The following JADE1 variants were observed in gnomAD, a reference collection of about 807,000 sequenced individuals.
JADE1 encodes the protein jade family PHD finger 1.
In JADE1, 14 loss-of-function variants were observed where a neutral mutation model predicts 81.8. The observed-to-expected ratio is 0.17, with a 90% CI of 0.11 to 0.27. The LOEUF is 0.27. JADE1 is among the 10% of genes least tolerant of loss of function. The probability of loss-of-function intolerance (pLI) is 1.00; values close to 1 mark genes in which losing one functional copy is unlikely to be tolerated. For missense variants in JADE1, 690 were observed against 1,047.9 expected (o/e 0.66, Z 4.71); for synonymous variants, 353 against 391.9 (o/e 0.90, Z 1.17).
chr4:128,872,517 A>C lies in JADE1; in HGVS notation c.*255A>C. ...CTGCTAAGACTAGAACCCGAACTGA[A>C]CACTAAAATAAAAATGAAATGTTTT... On this transcript the variant is annotated 3_prime_UTR_variant, in exon 11 of 11. Coordinates refer to ENST00000226319, the MANE Select transcript of JADE1 (RefSeq NM_199320.4). 1 of 419,502 alleles carries C rather than the reference A, an allele frequency of 2.4e-6. No individual in the cohort carries two copies. The highest frequency in any genetic ancestry group is 4.3e-6 in the Non-Finnish European group (1 of 234,202). 26.0% of individuals were successfully genotyped at this position (419,502 alleles called of 1,614,324 possible).
chr4:128,863,418 A>G (rs1343117571), intron 9 of JADE1: 1 of 985,464 alleles, frequency 1.0e-6, no homozygotes, highest in African/African-American at 1.7e-5. Context: ...AGTGTAGGGA[A>G]AGACCTGGGA....
chr4:128,825,266 C>G (rs1014872019), intron 1 of JADE1, among the ~76,000 whole-genome samples: 2 of 152,214 alleles, frequency 1.3e-5, no homozygotes, highest in Admixed American at 6.5e-5. Flanking sequence ...TCTTAAACTC[C>G]TGGCCTCAAG....
chr4:128,820,946 A>T (rs1297765587), intron 1 of JADE1, among the ~76,000 whole-genome samples: 2 of 152,160 alleles, frequency 1.3e-5, no homozygotes, highest in Non-Finnish European at 2.9e-5. Flanking sequence ...TTTAGCATTT[A>T]TTGGCTTACT....
At chr4:128,818,246 G>C (rs188996545) in intron 1 of JADE1, among the ~76,000 whole-genome samples, 1 of 151,712 alleles carries the variant, frequency 6.6e-6, no homozygotes, top group Non-Finnish European at 1.5e-5. Context: ...TCAGCCTCCC[G>C]AGTAGCTGGG....
chr4:128,813,480 A>G (rs1378532682), intron 1 of JADE1, among the ~76,000 whole-genome samples: 1 of 139,330 alleles, frequency 7.2e-6, no homozygotes, highest in Non-Finnish European at 1.5e-5. Flanking sequence ...GTGCAGTGGC[A>G]TGATCTTAGC....
chr4:128,857,728 T>C (rs1730915003), intron 8 of JADE1, among the ~76,000 whole-genome samples: 2 of 152,204 alleles, frequency 1.3e-5, no homozygotes, highest in African/African-American at 2.4e-5. Flanking sequence ...CTCGCTACCC[T>C]TTCTGCCCAA....
chr4:128,843,170 C>T (rs768853451), intron 3 of JADE1, 132 bp downstream of exon 3: 67 of 670,952 alleles, frequency 1.0e-4, no homozygotes, highest in Non-Finnish European at 1.5e-4. Context: ...ATCTGTAAGA[C>T]GGGGAGAACA....
intron 7 of JADE1, 77 bp from the exon 8 acceptor site, chr4:128,857,261 G>C: frequency 9.2e-7 from 1 of 1,090,448 alleles, no homozygotes; most frequent in South Asian, 1.3e-5. Flanking sequence ...GAAAGTAATG[G>C]ATCTTTTAGT....
At chr4:128,851,800 A>C (rs565764072) in intron 5 of JADE1, among the ~76,000 whole-genome samples, 1 of 152,250 alleles carries the variant, frequency 6.6e-6, no homozygotes, top group East Asian at 1.9e-4. Flanking sequence ...AGTAGTTGGG[A>C]CTACAGGTGT....
intron 6 of JADE1, among the ~76,000 whole-genome samples, chr4:128,855,003 G>T (rs1279394712): frequency 4.6e-5 from 7 of 152,062 alleles, no homozygotes; most frequent in African/African-American, 1.7e-4. Context: ...CATTCTTCCT[G>T]TGTAGAAGGT....
intron 1 of JADE1, among the ~76,000 whole-genome samples, chr4:128,824,441 A>G (rs1727865042): frequency 6.6e-6 from 1 of 152,064 alleles, no homozygotes; most frequent in African/African-American, 2.4e-5. Flanking sequence ...TAAAAGAGAA[A>G]GGAGTAGCTC....
chr4:128,848,746 C>T (rs1056683474), intron 4 of JADE1, among the ~76,000 whole-genome samples: 4 of 152,114 alleles, frequency 2.6e-5, no homozygotes, highest in African/African-American at 7.2e-5. Context: ...AGCAGGGTCC[C>T]GGGAAGCAGA....
chr4:128,839,267 C>T (rs879320143), intron 2 of JADE1, among the ~76,000 whole-genome samples: 4 of 152,334 alleles, frequency 2.6e-5, no homozygotes, highest in South Asian at 4.1e-4. Context: ...ATACCTGCTC[C>T]TGGAGATGGA....
chr4:128,823,838 T>C (rs1221052660), intron 1 of JADE1, among the ~76,000 whole-genome samples: 3 of 152,182 alleles, frequency 2.0e-5, no homozygotes, highest in Admixed American at 6.5e-5. Context: ...ATGTTGCCAG[T>C]TGGAAAACTT....
intron 6 of JADE1, among the ~76,000 whole-genome samples, chr4:128,854,202 C>T (rs890642940): frequency 6.6e-6 from 1 of 152,066 alleles, no homozygotes; most frequent in African/African-American, 2.4e-5. Context: ...TCACGGTGGA[C>T]GTGTGGCAGA....
rs1729913797 is a variant in JADE1 at position 128,846,853 on chromosome 4, C to T, written c.296+321C>T. On this transcript the variant is annotated intron_variant, in intron 4 of 10. Coordinates refer to ENST00000226319, the MANE Select transcript of JADE1 (RefSeq NM_199320.4). This position sits in a 1 kb window ranked among gnomAD's most constrained non-coding sequence, Gnocchi z 4.0. ...TAGGGGAGGAAAATTTGGGTGTTCA[C>T]ACGTCTGCATCCTCTTTTCCTGCCC... 6.6e-6 allele frequency among the ~76,000 whole-genome samples: 1 copy of T among 152,178 alleles called. No homozygotes were observed. Among genetic ancestry groups the T allele is most frequent in the Non-Finnish European group, 1.5e-5 (1 of 68,044 alleles).
At position 128,873,268 on chromosome 4, in the gene JADE1, AAAAAGAAAAAAAG is replaced by A. The variant is rs1732331292; in HGVS notation, c.*1011_*1023del. 1 of 149,276 alleles carries A rather than the reference AAAAAGAAAAAAAG, an allele frequency of 6.7e-6. No homozygotes were observed. The allele number at this position is 149,276 out of a possible 1,614,324, so 9.2% of individuals were successfully genotyped here. On this transcript the variant is annotated 3_prime_UTR_variant, in exon 11 of 11. Coordinates refer to ENST00000226319, the MANE Select transcript of JADE1 (RefSeq NM_199320.4). ...CCTTAAGAAAAAGGAAAAAAAAAAAAAAAAGAAAAAAAGAAAAAAAAAAGAAAAAAGAAAAAAA... is the reference window on the plus strand; with the variant it reads ...CCTTAAGAAAAAGGAAAAAAAAAAAAAAAAAAAAAAGAAAAAAGAAAAAAA...
intron 9 of JADE1, chr4:128,863,492 A>G: frequency 1.0e-6 from 1 of 985,460 alleles, no homozygotes; most frequent in African/African-American, 1.7e-5. Context: ...GATGGCGTAG[A>G]AGTGAAAGTC....
At chr4:128,833,180 G>A (rs773942189) in intron 2 of JADE1, among the ~76,000 whole-genome samples, 2 of 152,094 alleles carry the variant, frequency 1.3e-5, no homozygotes, top group Admixed American at 6.6e-5. Flanking sequence ...CCACCTGTCC[G>A]AGCCTTTGGG....
Sources: allele counts gnomAD v4.1 joint callset (sites outside exome capture counted in the v4.1 genomes callset), GRCh38; gene constraint gnomAD v4.1.1; non-coding constraint Gnocchi (gnomAD v3.1); transcripts MANE v1.5; gene names NCBI Gene and HGNC (gene_info 2026-07-23, HGNC 2026-07-21).